The following AGPAT4 variants were observed in gnomAD, a reference collection of about 807,000 sequenced individuals.
AGPAT4 encodes the protein 1-acyl-sn-glycerol-3-phosphate acyltransferase delta.
Under a neutral mutation model 48.0 loss-of-function variants are expected in AGPAT4, and 15 were observed. The ratio of observed to expected loss-of-function variants is 0.31; its 90% confidence interval spans 0.21 to 0.48. The LOEUF (loss-of-function observed/expected upper bound fraction) is 0.48, where lower values mean the gene tolerates loss of function less well. AGPAT4 is among the 20% of genes least tolerant of loss of function. The pLI is 0.99. For missense variants in AGPAT4, 314 were observed against 482.5 expected (o/e 0.65, Z 3.27); for synonymous variants, 178 against 198.7 (o/e 0.90, Z 0.88).
chr6:161,185,043 C>T (rs188054865), intron 2 of AGPAT4, among the ~76,000 whole-genome samples: 2 of 150,320 alleles, frequency 1.3e-5, no homozygotes, highest in Admixed American at 6.6e-5. Context: ...TTGGGTGGAG[C>T]GGGGGGTCTG....
At chr6:161,160,502 G>A (rs1025536406) in intron 3 of AGPAT4, 5 of 162,778 alleles carry the variant, frequency 3.1e-5, no homozygotes, top group African/African-American at 7.2e-5. Flanking sequence ...CTTTATCCAC[G>A]TGGGACAGAG....
chr6:161,218,741 A>G lies in AGPAT4; in HGVS notation c.178+13295T>C, dbSNP rs1484715895. Among the ~76,000 whole-genome samples the G allele has an allele frequency of 6.6e-6, 1 of 152,254 alleles. No homozygotes were observed. Among genetic ancestry groups the G allele is most frequent in the Non-Finnish European group, 1.5e-5 (1 of 68,054 alleles). ...AACTGCTGTCCTCAACACTTTCCAT[A>G]TCATGTAACCATATACTCTGAGGTG... is the stretch of plus-strand genomic sequence containing the variant. On this transcript the variant is annotated intron_variant, in intron 2 of 8. Coordinates refer to ENST00000320285, the MANE Select transcript of AGPAT4 (RefSeq NM_020133.3). The surrounding 1 kb of genome is among the most constrained non-coding windows in gnomAD (Gnocchi z 4.7).
intron 2 of AGPAT4, among the ~76,000 whole-genome samples, chr6:161,205,425 T>C (rs1444668938): frequency 6.6e-6 from 1 of 152,078 alleles, no homozygotes; most frequent in East Asian, 1.9e-4. Flanking sequence ...ACTCAGGCAC[T>C]ATCAAGAATG....
Position 161,262,777 on chromosome 6 carries a change from C to T in AGPAT4, c.-90+11161G>A, listed in dbSNP as rs1283803559. ...ACTTGAACTGGTACATTTCACACGC[C>T]TCTTTTGTTTTGAGTTCAAAAGATA... On this transcript the variant is annotated intron_variant, in intron 1 of 8. Coordinates refer to ENST00000320285, the MANE Select transcript of AGPAT4 (RefSeq NM_020133.3). The surrounding 1 kb of genome is among the most constrained non-coding windows in gnomAD (Gnocchi z 4.9). Among the ~76,000 whole-genome samples, 1 of 152,158 alleles carries T rather than the reference C, an allele frequency of 6.6e-6. No individual in the cohort carries two copies. The highest frequency in any genetic ancestry group is 2.4e-5 in the African/African-American group (1 of 41,434).
intron 1 of AGPAT4, among the ~76,000 whole-genome samples, chr6:161,252,434 A>G (rs953254408): frequency 2.0e-4 from 30 of 152,372 alleles, no homozygotes; most frequent in Admixed American, 1.2e-3. Flanking sequence ...TAAATGAATT[A>G]GAAAAAATTG....
rs756390007 is a variant in AGPAT4, at chr6:161,177,093, C to T, written c.179-10676G>A. 5.3e-5 allele frequency among the ~76,000 whole-genome samples: 8 copies of T among 152,104 alleles called. No homozygotes were observed. Among genetic ancestry groups the T allele is most frequent in the Non-Finnish European group, 7.4e-5 (5 of 68,022 alleles). The stretch of plus-strand genomic sequence containing the variant: ...CTTAACATTTTTTCCTTCATTTCAA[C>T]TTTGGTGAATCTGACAATTATGTGT... On this transcript the variant is annotated intron_variant, in intron 2 of 8. Transcript: ENST00000320285. The surrounding 1 kb of genome is among the most constrained non-coding windows in gnomAD (Gnocchi z 5.0).
At position 161,144,706 on chromosome 6, in the gene AGPAT4, C is replaced by T. The variant is rs1779361906; in HGVS notation, c.843+1818G>A. ...TAAAAGTAACATTTTCGGCTGGGCA[C>T]GGTGGCTCACGCCTGTAATCCCAGC... On this transcript the variant is annotated intron_variant, in intron 7 of 8. Coordinates refer to ENST00000320285, the MANE Select transcript of AGPAT4 (RefSeq NM_020133.3). This position sits in a 1 kb window ranked among gnomAD's most constrained non-coding sequence, Gnocchi z 6.6. Among the ~76,000 whole-genome samples the T allele has an allele frequency of 6.6e-6, 1 of 152,122 alleles. No individual in the cohort carries two copies. The highest frequency in any genetic ancestry group is 2.4e-5 in the African/African-American group (1 of 41,402).
At chr6:161,163,206 G>C (rs778899975) in intron 3 of AGPAT4, among the ~76,000 whole-genome samples, 1 of 152,210 alleles carries the variant, frequency 6.6e-6, no homozygotes, top group South Asian at 2.1e-4. Flanking sequence ...TGCCACCTTC[G>C]TGAATTTCTG....
intron 7 of AGPAT4, among the ~76,000 whole-genome samples, chr6:161,145,749 T>G (rs1241558844): frequency 6.6e-6 from 1 of 151,640 alleles, no homozygotes; most frequent in Non-Finnish European, 1.5e-5. Context: ...CAGCCCGCAT[T>G]TATGGAGTTT....
At chr6:161,205,965 AGGT>A (rs1781368034) in intron 2 of AGPAT4, among the ~76,000 whole-genome samples, 1 of 152,176 alleles carries the variant, frequency 6.6e-6, no homozygotes, top group South Asian at 2.1e-4. Context: ...AGACTCTGAA[AGGT>A]GGAGAGAAGA....
rs781252538 is a variant in AGPAT4 at position 161,154,198 on chromosome 6, G to A, written c.461C>T (p.Thr154Met). The A allele has an allele frequency of 4.9e-5, 79 of 1,614,020 alleles. No individual in the cohort carries two copies. Among genetic ancestry groups the A allele is most frequent in the East Asian group, 8.9e-5 (4 of 44,878 alleles). Residue 154 changes from threonine (T) to methionine (M), a missense_variant, in exon 4 of 9, where the codon ACG (threonine) becomes ATG (methionine). By Grantham distance (81) the Thr-to-Met change is moderately conservative (BLOSUM62 -1). Coordinates refer to ENST00000320285, the MANE Select transcript of AGPAT4 (RefSeq NM_020133.3). This position sits in a 1 kb window ranked among gnomAD's most constrained non-coding sequence, Gnocchi z 7.8. The stretch of plus-strand genomic sequence containing the variant: ...GAGGTGCTGCAAACTGGTGGCAACC[G>A]TCTTGCGATCCTGCTCCCACTTGCG... The part of the protein sequence containing the change: ...CSRKWEQDRK[T>M]VATSLQHLRD...
At chr6:161,205,884 T>C (rs1781366451) in intron 2 of AGPAT4, among the ~76,000 whole-genome samples, 1 of 151,964 alleles carries the variant, frequency 6.6e-6, no homozygotes, top group Non-Finnish European at 1.5e-5. Context: ...TAAGATAGAG[T>C]AGGCACACTT....
Position 161,154,155 on chromosome 6 carries a change from C to G in AGPAT4, c.504G>C (p.Lys168Asn). 1 of 1,614,156 alleles carries G rather than the reference C, an allele frequency of 6.2e-7. No homozygotes were observed. Among genetic ancestry groups the G allele is most frequent in the Non-Finnish European group, 8.5e-7 (1 of 1,180,040 alleles). Residue 168 changes from lysine to asparagine, a missense_variant, in exon 4 of 9, where the codon AAG becomes AAC. Coordinates refer to ENST00000320285, the MANE Select transcript of AGPAT4 (RefSeq NM_020133.3). This position sits in a 1 kb window ranked among gnomAD's most constrained non-coding sequence, Gnocchi z 7.8. ...TGCTCTGGTGCCTACATACAAAATA[C>G]TTCTCGGGGTAGTCCCGGAGGTGCT... ...SLQHLRDYPE[K>N]YFFLIHCEGT...
chr6:161,248,368 A>G (rs1782718722), intron 1 of AGPAT4, among the ~76,000 whole-genome samples: 1 of 152,046 alleles, frequency 6.6e-6, no homozygotes, highest in South Asian at 2.1e-4. Flanking sequence ...AGGTCAGGAG[A>G]TCGAGACCAT....
chr6:161,213,174 T>C (rs747183808), intron 2 of AGPAT4, among the ~76,000 whole-genome samples: 20 of 152,176 alleles, frequency 1.3e-4, no homozygotes, highest in Non-Finnish European at 2.4e-4. Flanking sequence ...CACAAATCCA[T>C]GGCTGGGCTC....
In AGPAT4 at chr6:161,222,268, G is replaced by A. The variant is rs778931340; in HGVS notation, c.178+9768C>T. On this transcript the variant is annotated intron_variant, in intron 2 of 8. Transcript: ENST00000320285. The surrounding 1 kb of genome is among the most constrained non-coding windows in gnomAD (Gnocchi z 5.9). ...TCCTTTTCTACTCATTCCATAAGCT[G>A]TTCCTTATTTTGTCCTTTTTTGGTG... 6.6e-6 allele frequency among the ~76,000 whole-genome samples: 1 copy of A among 152,104 alleles called. No homozygotes were observed. The highest frequency in any genetic ancestry group is 2.4e-5 in the African/African-American group (1 of 41,394).
chr6:161,189,542 A>G lies in AGPAT4; in HGVS notation c.179-23125T>C, dbSNP rs1780863919. Reference sequence around the variant, plus strand: ...CCCGTCAGGACTATCCCTCCTCTGCACAGATGAAGAAGCTGAGGCTCTGAA... The same window carrying G: ...CCCGTCAGGACTATCCCTCCTCTGCGCAGATGAAGAAGCTGAGGCTCTGAA... On this transcript the variant is annotated intron_variant, in intron 2 of 8. Transcript: ENST00000320285. The surrounding 1 kb of genome is among the most constrained non-coding windows in gnomAD (Gnocchi z 5.3). Among the ~76,000 whole-genome samples, 1 of 152,160 alleles carries G rather than the reference A, an allele frequency of 6.6e-6. No individual in the cohort carries two copies. The highest frequency in any genetic ancestry group is 1.5e-5 in the Non-Finnish European group (1 of 68,008).
intron 2 of AGPAT4, among the ~76,000 whole-genome samples, chr6:161,170,962 G>A (rs773747160): frequency 8.5e-5 from 13 of 152,064 alleles, no homozygotes; most frequent in Non-Finnish European, 1.9e-4. Context: ...GTCCCTGTAC[G>A]CTCACTCCAT....
intron 1 of AGPAT4, among the ~76,000 whole-genome samples, chr6:161,252,072 G>A (rs897893196): frequency 6.6e-6 from 1 of 152,158 alleles, no homozygotes; most frequent in Non-Finnish European, 1.5e-5. Context: ...AGTTCCATAA[G>A]TGGGTTAATG....
Sources: allele counts gnomAD v4.1 joint callset (sites outside exome capture counted in the v4.1 genomes callset), GRCh38; gene constraint gnomAD v4.1.1; non-coding constraint Gnocchi (gnomAD v3.1); transcripts MANE v1.5; gene names NCBI Gene and HGNC (gene_info 2026-07-23, HGNC 2026-07-21).